The following MYH9 variants were observed in gnomAD, a reference collection of about 807,000 sequenced individuals.
MYH9 encodes the protein myosin-9.
In MYH9, 29 loss-of-function variants were observed where a neutral mutation model predicts 241.9. The observed-to-expected ratio is 0.12, with a 90% CI of 0.09 to 0.16. MYH9 has a LOEUF of 0.16. Among genes scored for constraint, MYH9 ranks in the 10% least tolerant of loss-of-function variants. The pLI, the probability that MYH9 is intolerant of heterozygous loss-of-function variation, is 1.00. For synonymous variants in MYH9, 1,047 were observed against 1,062.6 expected (o/e 0.99, Z 0.29); for missense variants, 1,803 against 2,595.5 (o/e 0.69, Z 6.63).
Position 36,306,147 on chromosome 22 carries a change from C to A in MYH9, c.2038-96G>T. ...CCTATGAACCTGACAGGGCAAGAGCCTAAGGGAGGGGGTCGCTACAGCCCA... is the reference window on the plus strand; with the variant it reads ...CCTATGAACCTGACAGGGCAAGAGCATAAGGGAGGGGGTCGCTACAGCCCA... On this transcript the variant is annotated intron_variant, in intron 16 of 40. Coordinates refer to ENST00000216181, the MANE Select transcript of MYH9 (RefSeq NM_002473.6). This position sits in a 1 kb window ranked among gnomAD's most constrained non-coding sequence, Gnocchi z 4.1. 1 of 1,585,004 alleles carries A rather than the reference C, an allele frequency of 6.3e-7. No homozygotes were observed. The highest frequency in any genetic ancestry group is 2.2e-5 in the East Asian group (1 of 44,774).
intron 1 of MYH9, among the ~76,000 whole-genome samples, chr22:36,363,650 ACT>A (rs1442033848): frequency 6.6e-6 from 1 of 152,184 alleles, no homozygotes; most frequent in Non-Finnish European, 1.5e-5. Context: ...CGCCTTACCT[ACT>A]CAATAACAAG....
At chr22:36,287,341 GC>G (rs1370796855) in intron 34 of MYH9, among the ~76,000 whole-genome samples, 1 of 152,062 alleles carries the variant, frequency 6.6e-6, no homozygotes, top group Non-Finnish European at 1.5e-5. Context: ...GCTGTGTGCA[GC>G]CCGACCACAC....
intron 12 of MYH9, among the ~76,000 whole-genome samples, chr22:36,315,677 G>A (rs539544148): frequency 5.9e-5 from 9 of 152,060 alleles, no homozygotes; most frequent in Admixed American, 5.9e-4. Flanking sequence ...ATGCCCGGGA[G>A]GTCGAAGCTG....
intron 23 of MYH9, among the ~76,000 whole-genome samples, 180 bp from the exon 24 acceptor site, chr22:36,299,222 A>T (rs559619719): frequency 6.6e-6 from 1 of 152,290 alleles, no homozygotes; most frequent in South Asian, 2.1e-4. Context: ...AGCTCCCCTG[A>T]AACAGCGAGG....
At chr22:36,297,106 AAACGTGT>A in intron 24 of MYH9, 92 bp from the exon 25 acceptor site, 1 of 1,420,318 alleles carries the variant, frequency 7.0e-7, no homozygotes, top group East Asian at 2.4e-5. Flanking sequence ...ACTCGTTATG[AAACGTGT>A]GTCAGGCTTA....
intron 5 of MYH9, 134 bp from the exon 6 acceptor site, chr22:36,322,655 G>A (rs1431888721): frequency 2.4e-6 from 2 of 830,072 alleles, no homozygotes; most frequent in Non-Finnish European, 4.0e-6. Flanking sequence ...TTCCGGGTGG[G>A]CTCCAGTGTG....
At position 36,282,778 on chromosome 22, in the gene MYH9, C is replaced by A; in HGVS notation, c.5773G>T (p.Asp1925Tyr). ...CGGCGGGGCACGACAAACGGCAGGT[C>A]CCCGCGCCTGGGGGCAGAGGTAGAA... ...SSLKNKLRRG[D>Y]LPFVVPRRMA... Residue 1925 changes from aspartate to tyrosine, a missense_variant, in exon 41 of 41, where the codon GAC (aspartate) becomes TAC (tyrosine). This residue lies in a region of MYH9 where 876 missense variants were observed against 1,077.8 expected (regional missense o/e 0.81). Coordinates refer to ENST00000216181, the MANE Select transcript of MYH9 (RefSeq NM_002473.6). The A allele has an allele frequency of 6.2e-7, 1 of 1,610,334 alleles. No homozygotes were observed. The highest frequency in any genetic ancestry group is 8.5e-7 in the Non-Finnish European group (1 of 1,179,700).
intron 1 of MYH9, among the ~76,000 whole-genome samples, chr22:36,363,465 C>G (rs2017965759): frequency 6.6e-6 from 1 of 152,044 alleles, no homozygotes. Flanking sequence ...CAGAGGGAGG[C>G]AGGAAGGAGG....
intron 1 of MYH9, among the ~76,000 whole-genome samples, chr22:36,366,909 G>T (rs987392200): frequency 6.6e-6 from 1 of 150,624 alleles, no homozygotes. Context: ...CGGCCCCCAG[G>T]CTGCATCCGT....
chr22:36,371,133 C>T (rs1243428281), intron 1 of MYH9, among the ~76,000 whole-genome samples: 1 of 152,194 alleles, frequency 6.6e-6, no homozygotes, highest in East Asian at 1.9e-4. Flanking sequence ...TCCCCTACTC[C>T]CTTCTTCCCT....
At chr22:36,375,674 T>C (rs913108724) in intron 1 of MYH9, among the ~76,000 whole-genome samples, 3 of 152,174 alleles carry the variant, frequency 2.0e-5, no homozygotes, top group Non-Finnish European at 4.4e-5. Flanking sequence ...GATAAGTTCC[T>C]ACCTTATGGA....
chr22:36,312,858 C>T (rs1184315774), intron 13 of MYH9, among the ~76,000 whole-genome samples: 2 of 152,014 alleles, frequency 1.3e-5, no homozygotes, highest in East Asian at 3.9e-4. Context: ...CCTGTAATCC[C>T]AGCACTTTGG....
chr22:36,284,204 T>A lies in MYH9; in HGVS notation c.5654A>T (p.Glu1885Val). The change falls in exon 40 of 41, where the codon GAG becomes GTG. Residue 1885 changes from glutamate to valine, a missense_variant. This residue lies in a region of MYH9 where 876 missense variants were observed against 1,077.8 expected (regional missense o/e 0.81). Coordinates refer to ENST00000216181, the MANE Select transcript of MYH9 (RefSeq NM_002473.6). ...GCGGGAGGCGTTGGCCCGCTGGGCC[T>A]CCTCTTCGGCCTCCTCCAGCTGCCG... Reference protein sequence around the residue: ...LKRQLEEAEEEAQRANASRRK... With the variant: ...LKRQLEEAEEVAQRANASRRK... 1 of 1,613,472 alleles carries A rather than the reference T, an allele frequency of 6.2e-7. No individual in the cohort carries two copies. The highest frequency in any genetic ancestry group is 8.5e-7 in the Non-Finnish European group (1 of 1,179,778).
chr22:36,356,709 T>A (rs1439260421), intron 1 of MYH9, among the ~76,000 whole-genome samples: 1 of 147,986 alleles, frequency 6.8e-6, no homozygotes, highest in Non-Finnish European at 1.5e-5. Context: ...TGCAAAAAAA[T>A]CATGACAAAG....
intron 1 of MYH9, among the ~76,000 whole-genome samples, chr22:36,386,181 C>G (rs1207021667): frequency 6.6e-6 from 1 of 152,184 alleles, no homozygotes; most frequent in African/African-American, 2.4e-5. Flanking sequence ...TCATCTCTAC[C>G]TCACGTTAGA....
intron 1 of MYH9, among the ~76,000 whole-genome samples, chr22:36,376,977 C>A (rs567043460): frequency 2.6e-5 from 4 of 151,832 alleles, no homozygotes; most frequent in African/African-American, 7.3e-5. Flanking sequence ...GCAGGTGAAT[C>A]GCTTGAACCC....
At chr22:36,367,679 G>A (rs1261397518) in intron 1 of MYH9, among the ~76,000 whole-genome samples, 1 of 152,178 alleles carries the variant, frequency 6.6e-6, no homozygotes, top group East Asian at 1.9e-4. Context: ...CCAGAAACGT[G>A]ACTACCGCTT....
At chr22:36,350,871 C>G (rs1186350786) in intron 1 of MYH9, among the ~76,000 whole-genome samples, 1 of 152,190 alleles carries the variant, frequency 6.6e-6, no homozygotes, top group Non-Finnish European at 1.5e-5. Flanking sequence ...CCCAGAAGCT[C>G]ACTGCCCAGC....
intron 1 of MYH9, among the ~76,000 whole-genome samples, chr22:36,387,277 C>G (rs1468096680): frequency 6.6e-6 from 1 of 152,244 alleles, no homozygotes; most frequent in African/African-American, 2.4e-5. Context: ...CCGACTCTGA[C>G]TCAGGAGGAC....
Sources: allele counts gnomAD v4.1 joint callset (sites outside exome capture counted in the v4.1 genomes callset), GRCh38; gene constraint gnomAD v4.1.1; regional missense constraint gnomAD v4.1.1; non-coding constraint Gnocchi (gnomAD v3.1); transcripts MANE v1.5; gene names NCBI Gene and HGNC (gene_info 2026-07-23, HGNC 2026-07-21).